Variants in AOPEP observed in about 807,000 individuals in gnomAD.
AOPEP encodes aminopeptidase O.
Under a neutral mutation model 98.1 loss-of-function variants are expected in AOPEP, and 77 were observed. That is an observed-to-expected ratio of 0.78 (90% CI 0.65 to 0.95). AOPEP has a LOEUF of 0.95. Among genes scored for constraint, AOPEP ranks in the 40% least tolerant of loss-of-function variants. The pLI, the probability that AOPEP is intolerant of heterozygous loss-of-function variation, is 0.00. For missense variants in AOPEP, 1,024 were observed against 1,024.7 expected, an observed-to-expected ratio of 1.00 and a Z score of 0.01; for synonymous variants, 346 against 365.3, an observed-to-expected ratio of 0.95 and a Z score of 0.60.
At chr9:95,094,491 CCT>C in the AOPEP span, among the ~76,000 whole-genome samples, 2 of 152,160 alleles carry the variant, frequency 1.3e-5, no homozygotes, top group Non-Finnish European at 2.9e-5. Context: ...CCCCACTTCC[CCT>C]CCCCCAGGTC....
At chr9:95,003,264 A>G (rs941522892) in intron 11 of AOPEP, among the ~76,000 whole-genome samples, 1 of 152,268 alleles carries the variant, frequency 6.6e-6, no homozygotes, top group African/African-American at 2.4e-5. Context: ...CAGCTTTCAT[A>G]TAAGTCTGTA....
intron 5 of AOPEP, among the ~76,000 whole-genome samples, chr9:94,894,510 C>T (rs545073611): frequency 8.5e-5 from 13 of 152,112 alleles, no homozygotes; most frequent in Non-Finnish European, 1.8e-4. Flanking sequence ...AAATTGATAC[C>T]GAATGAATTA....
chr9:94,841,648 C>T (rs752677527), intron 5 of AOPEP, among the ~76,000 whole-genome samples: 2 of 152,110 alleles, frequency 1.3e-5, no homozygotes, highest in South Asian at 2.1e-4. Flanking sequence ...AATTCACTTA[C>T]GTCAAAGGAC....
chr9:95,052,542 T>G (rs2066470117), intron 13 of AOPEP, among the ~76,000 whole-genome samples: 1 of 152,214 alleles, frequency 6.6e-6, no homozygotes, highest in Non-Finnish European at 1.5e-5. Flanking sequence ...ATGAACACAG[T>G]AATTTTGTGC....
intron 3 of AOPEP, among the ~76,000 whole-genome samples, chr9:94,776,211 C>G (rs1157089302): frequency 2.6e-5 from 4 of 152,050 alleles, no homozygotes; most frequent in Non-Finnish European, 4.4e-5. Context: ...ATGCTAGACA[C>G]ATTTTTGTAT....
chr9:95,042,164 T>C (rs1437087256), intron 13 of AOPEP, among the ~76,000 whole-genome samples: 3 of 151,912 alleles, frequency 2.0e-5, no homozygotes, highest in Non-Finnish European at 4.4e-5. Context: ...TGCAAAAAAT[T>C]AGCTGGGCGT....
chr9:94,857,645 A>G (rs777565835), intron 5 of AOPEP, among the ~76,000 whole-genome samples: 4 of 152,172 alleles, frequency 2.6e-5, no homozygotes, highest in Non-Finnish European at 2.9e-5. Context: ...GATTGTCTTC[A>G]AGCAGAGTGA....
At chr9:94,808,848 GT>G (rs1177265915) in intron 5 of AOPEP, among the ~76,000 whole-genome samples, 1 of 152,246 alleles carries the variant, frequency 6.6e-6, no homozygotes, top group Non-Finnish European at 1.5e-5. Flanking sequence ...TTGCTAAGTT[GT>G]TGGAAACTGT....
chr9:95,084,638 A>G (rs1034706730), intron 16 of AOPEP, among the ~76,000 whole-genome samples: 1 of 152,214 alleles, frequency 6.6e-6, no homozygotes, highest in Non-Finnish European at 1.5e-5. Flanking sequence ...ACCACAGGGC[A>G]CACCCCTCGC....
intron 9 of AOPEP, among the ~76,000 whole-genome samples, chr9:94,966,284 T>C (rs1434165800): frequency 6.6e-6 from 1 of 151,676 alleles, no homozygotes; most frequent in Non-Finnish European, 1.5e-5. Flanking sequence ...CTTGGTTCTA[T>C]TGGGAGGCTT....
chr9:95,124,515 C>A, the AOPEP span, among the ~76,000 whole-genome samples: 13 of 152,330 alleles, frequency 8.5e-5, no homozygotes, highest in East Asian at 2.5e-3. Context: ...GGTTTACTGA[C>A]TGTGTCTAAC....
Position 95,005,442 on chromosome 9 carries a change from G to A in AOPEP, c.2041-100G>A, listed in dbSNP as rs116977854. Reference sequence around the variant, plus strand: ...GGGTGGCCTCCCGAGGTGCGGGGAAGACCAGGTCGCGAGGCCGGGGGTCTC... The same window carrying A: ...GGGTGGCCTCCCGAGGTGCGGGGAAAACCAGGTCGCGAGGCCGGGGGTCTC... On this transcript the variant is annotated intron_variant, in intron 12 of 16. Transcript: ENST00000375315. The A allele has an allele frequency of 7.1e-4, 863 of 1,216,684 alleles. 10 individuals carry two copies. In the East Asian group the frequency reaches 0.013, roughly 19 times the overall value. The allele number at this position is 1,216,684 out of a possible 1,614,324, so 75.4% of individuals were successfully genotyped here.
At chr9:95,087,554 C>T (rs952106975), downstream of AOPEP, among the ~76,000 whole-genome samples, 8 of 151,302 alleles carry the variant, frequency 5.3e-5, no homozygotes, top group African/African-American at 1.2e-4. Context: ...GTGTTCCCCC[C>T]CCACCTCACT....
intron 5 of AOPEP, among the ~76,000 whole-genome samples, chr9:94,820,933 A>C (rs1852950322): frequency 6.6e-6 from 1 of 152,234 alleles, no homozygotes; most frequent in Non-Finnish European, 1.5e-5. Flanking sequence ...CTTGTTTAAT[A>C]AACCAAGTGG....
intron 5 of AOPEP, among the ~76,000 whole-genome samples, chr9:94,864,271 TATGAG>T (rs1344576483): frequency 6.6e-6 from 1 of 152,180 alleles, no homozygotes; most frequent in African/African-American, 2.4e-5. Context: ...ACGAAATAAT[TATGAG>T]ATAATAGTAA....
intron 14 of AOPEP, among the ~76,000 whole-genome samples, chr9:95,074,137 A>G (rs961791299): frequency 2.0e-5 from 3 of 151,976 alleles, no homozygotes; most frequent in Non-Finnish European, 4.4e-5. Flanking sequence ...GCTTCCTTCC[A>G]CGTGCTTTTT....
intron 2 of AOPEP, among the ~76,000 whole-genome samples, chr9:94,769,335 GC>G (rs138283055): frequency 0.022 from 3,351 of 152,260 alleles, 129 homozygotes; most frequent in African/African-American, 0.076. Flanking sequence ...ACAGCAAAAA[GC>G]CATTGGTTAT....
At chr9:94,817,687 A>G (rs1852013382) in intron 5 of AOPEP, among the ~76,000 whole-genome samples, 1 of 152,204 alleles carries the variant, frequency 6.6e-6, no homozygotes. Context: ...AACAGAAGTG[A>G]TTTAGCATGG....
chr9:94,780,687 A>G (rs1375465436), intron 3 of AOPEP, among the ~76,000 whole-genome samples: 4 of 152,172 alleles, frequency 2.6e-5, no homozygotes, highest in East Asian at 1.9e-4. Flanking sequence ...AGATGATGCT[A>G]TTTCCTTTCT....
Sources: allele counts gnomAD v4.1 joint callset (sites outside exome capture counted in the v4.1 genomes callset), GRCh38; gene constraint gnomAD v4.1.1; transcripts MANE v1.5; gene names NCBI Gene and HGNC (gene_info 2026-07-23, HGNC 2026-07-21).